Variants in MARCHF1 observed in about 807,000 individuals in gnomAD.
MARCHF1 encodes membrane associated ring-CH-type finger 1, also known as E3 ubiquitin-protein ligase MARCHF1.
Under a neutral mutation model 54.2 loss-of-function variants are expected in MARCHF1, and 40 were observed. That is an observed-to-expected ratio of 0.74 (90% CI 0.57 to 0.96). MARCHF1 has a LOEUF of 0.96. Among genes scored for constraint, MARCHF1 ranks in the 40% least tolerant of loss-of-function variants. The pLI, the probability that MARCHF1 is intolerant of heterozygous loss-of-function variation, is 0.00. For missense variants in MARCHF1, 586 were observed against 656.5 expected, an observed-to-expected ratio of 0.89 and a Z score of 1.17; for synonymous variants, 236 against 236.3, an observed-to-expected ratio of 1.00 and a Z score of 0.01.
chr4:163,934,576 TAAAAAAAAAA>T (rs551026107), intron 3 of MARCHF1, among the ~76,000 whole-genome samples: 3 of 77,880 alleles, frequency 3.9e-5, no homozygotes, highest in African/African-American at 9.6e-5. Context: ...TCTTTTTAAG[TAAAAAAAAAA>T]AAAAAAAAAA....
chr4:164,254,194 GGT>G (rs1159595504), intron 1 of MARCHF1, among the ~76,000 whole-genome samples: 1 of 151,852 alleles, frequency 6.6e-6, no homozygotes, highest in Admixed American at 6.6e-5. Flanking sequence ...TGGGGTTACA[GGT>G]GTGTGCCACC....
intron 4 of MARCHF1, among the ~76,000 whole-genome samples, chr4:163,751,174 T>TG (rs1746508877): frequency 7.5e-6 from 1 of 133,990 alleles, no homozygotes; most frequent in African/African-American, 2.8e-5. Flanking sequence ...TGTGTGTGTG[T>TG]TTGAGACAGA....
chr4:163,563,156 A>G (rs1342667479), intron 8 of MARCHF1, among the ~76,000 whole-genome samples: 1 of 152,222 alleles, frequency 6.6e-6, no homozygotes, highest in East Asian at 1.9e-4. Context: ...TTAGCAAAGC[A>G]TCCTTTATAA....
At position 164,142,941 on chromosome 4, in the gene MARCHF1, G is replaced by A. The variant is rs1756588313; in HGVS notation, c.-322-31279C>T. 3.3e-5 allele frequency among the ~76,000 whole-genome samples: 5 copies of A among 152,152 alleles called. No homozygotes were observed. In the South Asian group the frequency reaches 6.2e-4, roughly 19 times the overall value. ...AACTTTGAAAAAAATTTAGAAGAAT[G>A]TATAACTAGAATAACCAAAACAGAG... is the stretch of plus-strand genomic sequence containing the variant. On this transcript the variant is annotated intron_variant, in intron 1 of 9. Coordinates refer to ENST00000514618, the MANE Select transcript of MARCHF1 (RefSeq NM_001394959.1).
At chr4:164,126,103 T>C (rs1020314987) in intron 1 of MARCHF1, among the ~76,000 whole-genome samples, 6 of 152,224 alleles carry the variant, frequency 3.9e-5, no homozygotes, top group African/African-American at 1.4e-4. Flanking sequence ...TTGTAAGCAG[T>C]ATCATAGTTA....
intron 1 of MARCHF1, among the ~76,000 whole-genome samples, chr4:164,314,422 T>C (rs1734945186): frequency 6.6e-6 from 1 of 152,198 alleles, no homozygotes; most frequent in African/African-American, 2.4e-5. Flanking sequence ...CACTGTTAAC[T>C]TTATCTTAAA....
chr4:164,356,677 T>G (rs1349872777), intron 1 of MARCHF1, among the ~76,000 whole-genome samples: 1 of 136,026 alleles, frequency 7.4e-6, no homozygotes, highest in East Asian at 2.2e-4. Flanking sequence ...GACGAGTTAG[T>G]GGGTGCAGCG....
At chr4:164,328,783 G>A (rs573138827) in intron 1 of MARCHF1, among the ~76,000 whole-genome samples, 6 of 152,128 alleles carry the variant, frequency 3.9e-5, no homozygotes, top group Non-Finnish European at 7.4e-5. Context: ...GCCCACCTCA[G>A]CCCCCTAAAG....
rs543119819 is a variant in MARCHF1 at position 164,313,304 on chromosome 4, G to A, written c.-323+70566C>T. ...GCAGAGCATCAAGTGAGCCCAGATC[G>A]TGCCACTGCACTCCAGCCTGGGTGG... On this transcript the variant is annotated intron_variant, in intron 1 of 9. Coordinates refer to ENST00000514618, the MANE Select transcript of MARCHF1 (RefSeq NM_001394959.1). Among the ~76,000 whole-genome samples, 119 of 145,208 alleles carry A rather than the reference G, an allele frequency of 8.2e-4. 1 individual carries two copies. The highest frequency in any genetic ancestry group is 3.0e-4 in the Admixed American group (4 of 13,474).
intron 1 of MARCHF1, among the ~76,000 whole-genome samples, chr4:164,377,178 G>A (rs1731218548): frequency 1.1e-5 from 1 of 93,348 alleles, no homozygotes; most frequent in African/African-American, 3.2e-5. Flanking sequence ...ACATGTAATA[G>A]TTCAATCCAT....
chr4:163,845,562 T>C (rs2111145143), intron 4 of MARCHF1, among the ~76,000 whole-genome samples: 1 of 151,724 alleles, frequency 6.6e-6, no homozygotes, highest in East Asian at 1.9e-4. Flanking sequence ...GAAATTAAGA[T>C]CTTAAAAAAC....
intron 4 of MARCHF1, among the ~76,000 whole-genome samples, chr4:163,850,530 C>T (rs1437124829): frequency 6.6e-6 from 1 of 152,136 alleles, no homozygotes; most frequent in Non-Finnish European, 1.5e-5. Flanking sequence ...TTCTGTTTTC[C>T]TGACTGTACT....
At chr4:164,305,008 C>T (rs1728952741) in intron 1 of MARCHF1, among the ~76,000 whole-genome samples, 1 of 152,134 alleles carries the variant, frequency 6.6e-6, no homozygotes, top group South Asian at 2.1e-4. Flanking sequence ...AAGGCATAGT[C>T]TAAGTTTCTG....
At chr4:163,721,801 TC>T (rs1360432905) in intron 4 of MARCHF1, among the ~76,000 whole-genome samples, 1 of 152,160 alleles carries the variant, frequency 6.6e-6, no homozygotes, top group African/African-American at 2.4e-5. Context: ...TTCCAGATTT[TC>T]TAGTTTGCTT....
intron 2 of MARCHF1, among the ~76,000 whole-genome samples, chr4:164,074,973 C>T (rs964724803): frequency 6.6e-6 from 1 of 151,508 alleles, no homozygotes; most frequent in Non-Finnish European, 1.5e-5. Flanking sequence ...ATGTTTGGTC[C>T]AACCAATTTC....
intron 5 of MARCHF1, among the ~76,000 whole-genome samples, chr4:163,699,065 C>G (rs1195790326): frequency 6.6e-6 from 1 of 152,172 alleles, no homozygotes; most frequent in Non-Finnish European, 1.5e-5. Flanking sequence ...TCGGAAGCGA[C>G]ACAGCGGTGA....
chr4:163,892,954 G>A (rs2111275860), intron 3 of MARCHF1, among the ~76,000 whole-genome samples: 1 of 152,256 alleles, frequency 6.6e-6, no homozygotes, highest in South Asian at 2.1e-4. Flanking sequence ...AGAGGACAAA[G>A]TGATGCCTGT....
intron 1 of MARCHF1, among the ~76,000 whole-genome samples, chr4:164,275,251 C>T (rs941580648): frequency 6.6e-6 from 1 of 152,104 alleles, no homozygotes; most frequent in African/African-American, 2.4e-5. Flanking sequence ...AAATTATATA[C>T]GAGGAATTGA....
Position 164,143,697 on chromosome 4 carries a change from G to A in MARCHF1, c.-322-32035C>T, listed in dbSNP as rs546613359. On this transcript the variant is annotated intron_variant, in intron 1 of 9. Transcript: ENST00000514618. The stretch of plus-strand genomic sequence containing the variant: ...GCGCTAAACATGGAAAGGAACAACC[G>A]ATACCAGCCGCTGCAAAATCATGCC... Among the ~76,000 whole-genome samples the A allele has an allele frequency of 6.1e-3, 927 of 152,230 alleles. 9 individuals are homozygous for A. The highest frequency in any genetic ancestry group is 0.021 in the African/African-American group (870 of 41,502).
Sources: allele counts gnomAD v4.1 joint callset (sites outside exome capture counted in the v4.1 genomes callset), GRCh38; gene constraint gnomAD v4.1.1; transcripts MANE v1.5; gene names NCBI Gene and HGNC (gene_info 2026-07-23, HGNC 2026-07-21).